The following FSIP2 variants were observed in gnomAD, a reference collection of about 807,000 sequenced individuals.
FSIP2 encodes the protein fibrous sheath-interacting protein 2.
A neutral mutation model predicts 510.5 loss-of-function variants in FSIP2; 367 were observed. The observed-to-expected ratio is 0.72, with a 90% CI of 0.66 to 0.78. FSIP2 has a LOEUF of 0.78. Ranked by LOEUF, FSIP2 falls within the 30% of genes least tolerant of loss-of-function variation. The pLI, the probability that FSIP2 is intolerant of heterozygous loss-of-function variation, is 0.00. For synonymous variants in FSIP2, 2,601 were observed against 2,732.2 expected (o/e 0.95, Z 1.50); for missense variants, 7,594 against 7,901.7 (o/e 0.96, Z 1.48).
In FSIP2 at chr2:185,790,055, A is replaced by C; in HGVS notation, c.2919A>C (p.Arg973Ser). The change falls in exon 16 of 23, where the codon AGA becomes AGC. Residue 973 changes from arginine (R) to serine (S), a missense_variant. Arg to Ser is a moderately radical substitution (Grantham distance 110). Transcript: ENST00000424728. Reference sequence around the variant, plus strand: ...CTTCTGACACCAAAGAAAAGTACAGACTCACTGGCACTAGATTATCAAATA... The same window carrying C: ...CTTCTGACACCAAAGAAAAGTACAGCCTCACTGGCACTAGATTATCAAATA... ...SSPSDTKEKY[R>S]LTGTRLSNSP... 1 of 1,533,436 alleles carries C rather than the reference A, an allele frequency of 6.5e-7. No individual in the cohort carries two copies. The highest frequency in any genetic ancestry group is 8.7e-7 in the Non-Finnish European group (1 of 1,145,296). 95.0% of individuals were successfully genotyped at this position (1,533,436 alleles called of 1,614,324 possible). A position where few individuals can be genotyped will look rare whatever the true frequency, so the allele number is the denominator to read the frequency against.
At chr2:185,748,766 G>A (rs1692086419) in intron 7 of FSIP2, among the ~76,000 whole-genome samples, 1 of 152,020 alleles carries the variant, frequency 6.6e-6, no homozygotes, top group South Asian at 2.1e-4. Flanking sequence ...ACCACAGGCT[G>A]CCTAAGCTGT....
chr2:185,798,692 A>ACTC (rs1207346787), intron 16 of FSIP2, among the ~76,000 whole-genome samples: 5 of 151,760 alleles, frequency 3.3e-5, no homozygotes, highest in African/African-American at 1.2e-4. Flanking sequence ...ACAACTACAA[A>ACTC]CTCTTAAATA....
In FSIP2 at chr2:185,802,064, A is replaced by G; in HGVS notation, c.12758A>G (p.Glu4253Gly). 2.0e-6 allele frequency: 3 copies of G among 1,533,418 alleles called. No individual in the cohort carries two copies. The South Asian group carries it at 3.6e-5, about 18-fold the overall frequency. The allele number at this position is 1,533,418 out of a possible 1,614,324, so 95.0% of individuals were successfully genotyped here. A position where few individuals can be genotyped will look rare whatever the true frequency, so the allele number is the denominator to read the frequency against. The change falls in exon 17 of 23, where the codon GAG becomes GGG. Residue 4253 changes from glutamate to glycine, a missense_variant. Physicochemically the swap from Glu to Gly is moderately conservative, Grantham distance 98. Coordinates refer to ENST00000424728, the MANE Select transcript of FSIP2 (RefSeq NM_173651.4). ...CAAATAGCCAGCTTTATCATCCAAG[A>G]GATTATCGAAAATCATCTTCAACCA... ...IDQIASFIIQ[E>G]IIENHLQPFL...
In FSIP2 at chr2:185,788,923, C is replaced by T. The variant is rs1424146059; in HGVS notation, c.1787C>T (p.Thr596Ile). 6.5e-7 allele frequency: 1 copy of T among 1,534,936 alleles called. No individual in the cohort carries two copies. Among genetic ancestry groups the T allele is most frequent in the Non-Finnish European group, 8.7e-7 (1 of 1,146,062 alleles). Residue 596 changes from threonine to isoleucine, a missense_variant, in exon 16 of 23, where the codon ACC (threonine) becomes ATC (isoleucine). Coordinates refer to ENST00000424728, the MANE Select transcript of FSIP2 (RefSeq NM_173651.4). ...GTTGACACGTCAGTAAGGAGACCAA[C>T]CACACCTATAAAACCTCCTCCTGCA... is the stretch of plus-strand genomic sequence containing the variant. ...FVVDTSVRRP[T>I]TPIKPPPAHV...
intron 13 of FSIP2, chr2:185,766,596 T>A (rs1181108802): frequency 1.7e-4 from 25 of 148,808 alleles, no homozygotes; most frequent in Non-Finnish European, 2.5e-4. Flanking sequence ...ATCAGAGAAA[T>A]GCAAATCAAA....
At chr2:185,799,189 A>G (rs1183884081) in intron 16 of FSIP2, among the ~76,000 whole-genome samples, 1 of 151,846 alleles carries the variant, frequency 6.6e-6, no homozygotes, top group African/African-American at 2.4e-5. Flanking sequence ...TACTACTGCT[A>G]TTGCAATCTA....
chr2:185,816,868 AG>A (rs1693835013), intron 19 of FSIP2, among the ~76,000 whole-genome samples: 1 of 150,954 alleles, frequency 6.6e-6, no homozygotes, highest in South Asian at 2.1e-4. Flanking sequence ...AGAGAGAGAG[AG>A]AGAGAGAGAG....
chr2:185,806,129 A>G lies in FSIP2; in HGVS notation c.16823A>G (p.Tyr5608Cys), dbSNP rs1211870269. ...EVLGSDSEIGYKKKIDNARES... is the reference protein window; with the variant it reads ...EVLGSDSEIGCKKKIDNARES... ...CTTGGATCAGATTCTGAAATAGGCT[A>G]TAAAAAGAAGATTGACAATGCAAGG... is the stretch of plus-strand genomic sequence containing the variant. The change falls in exon 17 of 23, where the codon TAT becomes TGT. Residue 5608 changes from tyrosine to cysteine, a missense_variant. Transcript: ENST00000424728. 6.4e-7 allele frequency: 1 copy of G among 1,574,428 alleles called. No individual in the cohort carries two copies. The highest frequency in any genetic ancestry group is 2.0e-5 in the Admixed American group (1 of 49,634).
Position 185,805,031 on chromosome 2 carries a change from G to A in FSIP2, c.15725G>A (p.Gly5242Asp). 1.3e-6 allele frequency: 2 copies of A among 1,596,150 alleles called. No homozygotes were observed. The highest frequency in any genetic ancestry group is 1.7e-5 in the Admixed American group (1 of 58,252). The stretch of plus-strand genomic sequence containing the variant: ...CATCATTTACAGCCATTTTTACATG[G>A]TGAAGAATCATCTTTCAGTGACTTA... ...MYHHLQPFLHGEESSFSDLSD... is the reference protein window; with the variant it reads ...MYHHLQPFLHDEESSFSDLSD... Residue 5242 changes from glycine (G) to aspartate (D), a missense_variant, in exon 17 of 23, where the codon GGT becomes GAT. Gly to Asp is a moderately conservative substitution (Grantham distance 94). Transcript: ENST00000424728.
intron 15 of FSIP2, among the ~76,000 whole-genome samples, chr2:185,787,766 G>C (rs1464168922): frequency 1.3e-5 from 2 of 151,316 alleles, no homozygotes; most frequent in South Asian, 2.1e-4. Context: ...CTGGTTCTTG[G>C]CTCCAGCTCA....
intron 13 of FSIP2, among the ~76,000 whole-genome samples, chr2:185,770,364 G>A (rs1692581867): frequency 6.6e-6 from 1 of 151,936 alleles, no homozygotes; most frequent in South Asian, 2.1e-4. Context: ...TCCTGATTTG[G>A]CTCCCAGTAG....
intron 20 of FSIP2, among the ~76,000 whole-genome samples, chr2:185,825,067 C>A (rs1221945099): frequency 1.3e-5 from 2 of 151,740 alleles, no homozygotes; most frequent in East Asian, 3.9e-4. Context: ...GTCATGTTTA[C>A]TATAAAGTCA....
intron 13 of FSIP2, among the ~76,000 whole-genome samples, chr2:185,773,366 T>C (rs1231297012): frequency 6.6e-6 from 1 of 152,226 alleles, no homozygotes; most frequent in African/African-American, 2.4e-5. Flanking sequence ...AAATCTGCTG[T>C]TATTCTAATG....
intron 9 of FSIP2, among the ~76,000 whole-genome samples, chr2:185,759,601 T>C (rs1692310006): frequency 3.3e-5 from 1 of 30,728 alleles, no homozygotes; most frequent in African/African-American, 1.3e-4. Flanking sequence ...ATGATTACTA[T>C]ATTATTAATA....
chr2:185,770,122 G>T lies in FSIP2; in HGVS notation c.1411+5557G>T, dbSNP rs7602728. ...TGTTGTGTGAAGAATGCCATTGGTAGTTTGATAGGAATGGCATTGAATCTG... is the reference window on the plus strand; with the variant it reads ...TGTTGTGTGAAGAATGCCATTGGTATTTTGATAGGAATGGCATTGAATCTG... On this transcript the variant is annotated intron_variant, in intron 13 of 22. Coordinates refer to ENST00000424728, the MANE Select transcript of FSIP2 (RefSeq NM_173651.4). Among the ~76,000 whole-genome samples the T allele has an allele frequency of 1.5e-4, 23 of 152,074 alleles. No homozygotes were observed. In the South Asian group the frequency reaches 4.4e-3, roughly 29 times the overall value.
intron 19 of FSIP2, among the ~76,000 whole-genome samples, chr2:185,819,171 A>G (rs1334726485): frequency 6.6e-6 from 1 of 151,902 alleles, no homozygotes; most frequent in Non-Finnish European, 1.5e-5. Flanking sequence ...TCCTTGTAGT[A>G]AGCACAAAGA....
At chr2:185,760,056 A>AT (rs1692320164) in intron 9 of FSIP2, among the ~76,000 whole-genome samples, 1 of 150,560 alleles carries the variant, frequency 6.6e-6, no homozygotes, top group Non-Finnish European at 1.5e-5. Flanking sequence ...ATTGGCATAC[A>AT]TTTTTCATGT....
At chr2:185,786,346 C>G in intron 15 of FSIP2, 58 bp downstream of exon 15, 1 of 1,104,834 alleles carries the variant, frequency 9.1e-7, no homozygotes, top group Non-Finnish European at 1.3e-6. Flanking sequence ...TCTGATGCAT[C>G]ATAATAGAAA....
chr2:185,830,363 A>C (rs1455167458), intron 21 of FSIP2, among the ~76,000 whole-genome samples: 1 of 151,890 alleles, frequency 6.6e-6, no homozygotes, highest in Non-Finnish European at 1.5e-5. Context: ...ACAATGCTCC[A>C]TTAAGTAAGG....
Sources: allele counts gnomAD v4.1 joint callset (sites outside exome capture counted in the v4.1 genomes callset), GRCh38; gene constraint gnomAD v4.1.1; transcripts MANE v1.5; gene names NCBI Gene and HGNC (gene_info 2026-07-23, HGNC 2026-07-21).